Variants in SIDT1 observed in about 807,000 individuals in gnomAD.
The protein encoded by SIDT1 is SID1 transmembrane family, member 1.
A neutral mutation model predicts 107.5 loss-of-function variants in SIDT1; 101 were observed. The observed-to-expected ratio is 0.94, with a 90% CI of 0.80 to 1.11. The LOEUF (loss-of-function observed/expected upper bound fraction) is 1.11, where lower values mean the gene tolerates loss of function less well. Ranked by LOEUF, SIDT1 falls within the 50% of genes least tolerant of loss-of-function variation. The probability of loss-of-function intolerance (pLI) is 0.00; values close to 1 mark genes in which losing one functional copy is unlikely to be tolerated. For synonymous variants in SIDT1, 395 were observed against 398.2 expected, an observed-to-expected ratio of 0.99 and a Z score of 0.10; for missense variants, 1,076 against 1,058.2, an observed-to-expected ratio of 1.02 and a Z score of -0.23.
intron 21 of SIDT1, 46 bp downstream of exon 21, chr3:113,619,772 T>TA (rs774900974): frequency 6.5e-7 from 1 of 1,535,648 alleles, no homozygotes; most frequent in South Asian, 1.1e-5. Flanking sequence ...TTAATGTCAG[T>TA]AACACTGTGG....
chr3:113,572,371 T>C (rs1392958629), intron 3 of SIDT1, among the ~76,000 whole-genome samples: 1 of 152,206 alleles, frequency 6.6e-6, no homozygotes, highest in Non-Finnish European at 1.5e-5. Flanking sequence ...GTCCACATGA[T>C]GCCTGGGCAA....
intron 3 of SIDT1, among the ~76,000 whole-genome samples, chr3:113,572,299 G>C (rs986841590): frequency 1.6e-4 from 24 of 152,192 alleles, no homozygotes; most frequent in Middle Eastern, 3.2e-3. Context: ...ACACTTAGGG[G>C]AGAGCTCTGA....
intron 12 of SIDT1, among the ~76,000 whole-genome samples, 161 bp downstream of exon 12, chr3:113,603,311 C>G (rs1379406027): frequency 2.0e-5 from 3 of 152,140 alleles, no homozygotes; most frequent in Non-Finnish European, 4.4e-5. Context: ...AAGCAATACT[C>G]TGTTAATTCG....
intron 1 of SIDT1, among the ~76,000 whole-genome samples, chr3:113,563,348 A>AT (rs140673077): frequency 7.9e-5 from 12 of 151,942 alleles, no homozygotes; most frequent in African/African-American, 2.7e-4. Flanking sequence ...GGTTTAAATA[A>AT]TTTTTTTAGG....
At chr3:113,586,439 G>A (rs1217219225) in intron 9 of SIDT1, among the ~76,000 whole-genome samples, 1 of 152,180 alleles carries the variant, frequency 6.6e-6, no homozygotes, top group East Asian at 1.9e-4. Flanking sequence ...CTTGACCACA[G>A]CAAAATGCCA....
intron 9 of SIDT1, among the ~76,000 whole-genome samples, chr3:113,585,934 A>G (rs9827928): frequency 0.47 from 71,968 of 151,972 alleles, 17,738 homozygotes; most frequent in East Asian, 0.77. Context: ...TCTTTGTGGC[A>G]TTCTCTGTGA....
intron 14 of SIDT1, among the ~76,000 whole-genome samples, chr3:113,606,031 A>AC (rs1390754648): frequency 6.6e-6 from 1 of 151,140 alleles, no homozygotes; most frequent in Non-Finnish European, 1.5e-5. Context: ...AAAAAAAGAA[A>AC]AAAAAAAAGC....
At chr3:113,573,690 GT>G (rs1200154244) in intron 3 of SIDT1, among the ~76,000 whole-genome samples, 8 of 152,276 alleles carry the variant, frequency 5.3e-5, no homozygotes, top group Non-Finnish European at 7.4e-5. Flanking sequence ...TTATGAAAGA[GT>G]CCCCAGAAAG....
At chr3:113,543,634 G>A (rs1291915557) in intron 1 of SIDT1, among the ~76,000 whole-genome samples, 1 of 151,078 alleles carries the variant, frequency 6.6e-6, no homozygotes, top group Non-Finnish European at 1.5e-5. Context: ...TTTTCACAGG[G>A]GATATTCAGA....
At chr3:113,584,136 C>A (rs1026710433) in intron 7 of SIDT1, among the ~76,000 whole-genome samples, 1 of 152,170 alleles carries the variant, frequency 6.6e-6, no homozygotes, top group South Asian at 2.1e-4. Flanking sequence ...GTGACCAACA[C>A]AAAGTGTGTT....
chr3:113,552,501 G>T (rs1209466730), intron 1 of SIDT1, among the ~76,000 whole-genome samples: 1 of 152,172 alleles, frequency 6.6e-6, no homozygotes, highest in African/African-American at 2.4e-5. Flanking sequence ...AGCAGGAAAA[G>T]AATTCATTAA....
intron 21 of SIDT1, among the ~76,000 whole-genome samples, chr3:113,621,821 A>G (rs1946480810): frequency 6.6e-6 from 1 of 152,238 alleles, no homozygotes; most frequent in Non-Finnish European, 1.5e-5. Flanking sequence ...CTAGCCCAGC[A>G]TTGTCCATTA....
chr3:113,574,571 T>A (rs1347845026), intron 3 of SIDT1, among the ~76,000 whole-genome samples: 2 of 151,944 alleles, frequency 1.3e-5, no homozygotes, highest in Non-Finnish European at 2.9e-5. Flanking sequence ...TAGTCTTTTG[T>A]CCCATCCCTT....
At chr3:113,563,217 T>A (rs1423069479) in intron 1 of SIDT1, among the ~76,000 whole-genome samples, 1 of 152,184 alleles carries the variant, frequency 6.6e-6, no homozygotes, top group Non-Finnish European at 1.5e-5. Context: ...TTCAACTCCG[T>A]GGAGAAAAGG....
intron 1 of SIDT1, among the ~76,000 whole-genome samples, chr3:113,553,848 C>T (rs1940547382): frequency 6.6e-6 from 1 of 152,176 alleles, no homozygotes; most frequent in Non-Finnish European, 1.5e-5. Flanking sequence ...GAGTTCAAGA[C>T]AAACCTGACC....
Position 113,608,438 on chromosome 3 carries a change from A to T in SIDT1, c.1622A>T (p.His541Leu). 1 of 1,613,538 alleles carries T rather than the reference A, an allele frequency of 6.2e-7. No homozygotes were observed. Among genetic ancestry groups the T allele is most frequent in the Non-Finnish European group, 8.5e-7 (1 of 1,179,528 alleles). ...IFAVEYGIPK[H>L]FGLFYAMGIA... is the part of the protein sequence containing the mutation. Reference sequence around the variant, plus strand: ...TTTCAGGAGTACGGGATTCCCAAACACTTTGGTCTCTTCTACGCTATGGGC... The same window carrying T: ...TTTCAGGAGTACGGGATTCCCAAACTCTTTGGTCTCTTCTACGCTATGGGC... Residue 541 changes from histidine (H) to leucine (L), a missense_variant, in exon 17 of 25, where the codon CAC becomes CTC. Physicochemically the swap from His to Leu is moderately conservative, Grantham distance 99 (BLOSUM62 -3). Coordinates refer to ENST00000264852, the MANE Select transcript of SIDT1 (RefSeq NM_017699.3).
At chr3:113,612,732 T>C (rs932402685) in intron 19 of SIDT1, among the ~76,000 whole-genome samples, 1 of 152,218 alleles carries the variant, frequency 6.6e-6, no homozygotes, top group African/African-American at 2.4e-5. Context: ...AGAAATCAGC[T>C]TGTGATCTGC....
intron 14 of SIDT1, among the ~76,000 whole-genome samples, chr3:113,605,401 C>T (rs1388557519): frequency 6.6e-6 from 1 of 152,126 alleles, no homozygotes; most frequent in Non-Finnish European, 1.5e-5. Flanking sequence ...ACTGGGATTA[C>T]AGGCATGAGC....
chr3:113,552,447 C>T (rs977917647), intron 1 of SIDT1, among the ~76,000 whole-genome samples: 2 of 152,100 alleles, frequency 1.3e-5, no homozygotes, highest in Non-Finnish European at 2.9e-5. Context: ...TAGGTTCGTG[C>T]AAGGGTCTTA....
Sources: gnomAD v4.1 joint callset for allele counts (sites outside exome capture counted in the v4.1 genomes callset) on GRCh38, gnomAD v4.1.1 for gene constraint, MANE v1.5 for transcripts, NCBI Gene and HGNC (gene_info 2026-07-23, HGNC 2026-07-21) for gene names.